LRRC69: variants seen among roughly 807,000 people sequenced by gnomAD.
LRRC69 encodes leucine rich repeat containing 69.
Under a neutral mutation model 37.8 loss-of-function variants are expected in LRRC69, and 42 were observed. The observed-to-expected ratio is 1.11, with a 90% confidence interval of 0.87 to 1.44. The LOEUF (loss-of-function observed/expected upper bound fraction) is 1.44. Among genes scored for constraint, LRRC69 ranks in the 40% most tolerant of loss-of-function variants. The probability of loss-of-function intolerance (pLI) is 0.00; values close to 1 mark genes in which losing one functional copy is unlikely to be tolerated. For synonymous variants in LRRC69, 141 were observed against 143.1 expected, an observed-to-expected ratio of 0.99 and a Z score of 0.11; for missense variants, 357 against 401.9, an observed-to-expected ratio of 0.89 and a Z score of 0.96.
intron 5 of LRRC69, among the ~76,000 whole-genome samples, chr8:91,180,750 T>A (rs1809310339): frequency 6.6e-6 from 1 of 152,010 alleles, no homozygotes. Flanking sequence ...ACAGGGTAGT[T>A]TAGAGGGAAT....
intron 5 of LRRC69, among the ~76,000 whole-genome samples, chr8:91,138,609 G>A (rs1302946827): frequency 6.7e-5 from 10 of 150,150 alleles, no homozygotes; most frequent in Admixed American, 6.6e-4. Context: ...ATTTGCACTA[G>A]GACTTTTGTA....
At chr8:91,138,346 T>TA (rs1808455510) in intron 5 of LRRC69, among the ~76,000 whole-genome samples, 1 of 151,880 alleles carries the variant, frequency 6.6e-6, no homozygotes, top group Non-Finnish European at 1.5e-5. Flanking sequence ...AAAAGCAAAA[T>TA]AAAGCTCTGT....
chr8:91,199,614 G>A (rs557115846), intron 6 of LRRC69, among the ~76,000 whole-genome samples: 4 of 152,034 alleles, frequency 2.6e-5, no homozygotes, highest in Non-Finnish European at 5.9e-5. Flanking sequence ...GCTTTATGTG[G>A]ACTATTTCAA....
At chr8:91,216,694 A>G (rs573787216) in intron 7 of LRRC69, among the ~76,000 whole-genome samples, 2 of 152,248 alleles carry the variant, frequency 1.3e-5, no homozygotes, top group South Asian at 2.1e-4. Context: ...TCCAACCACA[A>G]TTTCATCACT....
chr8:91,198,125 A>G (rs1016219133), intron 6 of LRRC69, among the ~76,000 whole-genome samples: 2 of 152,186 alleles, frequency 1.3e-5, no homozygotes, highest in African/African-American at 4.8e-5. Flanking sequence ...TAGAAACTTT[A>G]CCTCACCTCA....
intron 5 of LRRC69, among the ~76,000 whole-genome samples, chr8:91,160,300 G>A (rs535617791): frequency 7.0e-6 from 1 of 142,944 alleles, no homozygotes; most frequent in Non-Finnish European, 1.5e-5. Flanking sequence ...TTAGTTTTTT[G>A]TTTTTTTTTT....
intron 7 of LRRC69, among the ~76,000 whole-genome samples, chr8:91,207,741 G>A (rs1272127640): frequency 6.6e-6 from 1 of 152,224 alleles, no homozygotes; most frequent in Non-Finnish European, 1.5e-5. Context: ...AGTCACGGAA[G>A]GTGAGGTATG....
Position 91,213,764 on chromosome 8 carries a change from T to A in LRRC69, c.934-5126T>A, listed in dbSNP as rs576552978. ...AGCCTTGAAATAGGTGGAATTCAGA[T>A]ACATGGAGAAGAAAGTAAACAGAAT... On this transcript the variant is annotated intron_variant, in intron 7 of 7. Coordinates refer to ENST00000448384, the Ensembl canonical transcript of LRRC69. Among the ~76,000 whole-genome samples, 10 of 152,214 alleles carry A rather than the reference T, an allele frequency of 6.6e-5. No individual in the cohort carries two copies. The East Asian group carries it at 1.5e-3, about 24-fold the overall frequency.
intron 5 of LRRC69, among the ~76,000 whole-genome samples, chr8:91,169,202 C>T (rs1048194381): frequency 7.9e-5 from 12 of 151,816 alleles, no homozygotes; most frequent in Non-Finnish European, 1.6e-4. Context: ...GAGCTAAACA[C>T]TGAATACACA....
At chr8:91,219,141 C>T (rs910260376), downstream of LRRC69, 86 of 423,084 alleles carry the variant, frequency 2.0e-4, no homozygotes, top group Admixed American at 8.2e-4. Flanking sequence ...TCCATTATAA[C>T]GTTCCCAATC....
intron 5 of LRRC69, among the ~76,000 whole-genome samples, chr8:91,145,580 A>C (rs897070113): frequency 2.0e-5 from 3 of 151,920 alleles, no homozygotes; most frequent in Admixed American, 6.6e-5. Context: ...TCAGTGGCTC[A>C]GTTTATTAGG....
rs1415602698 is a variant in LRRC69 at position 91,157,370 on chromosome 8, C to A, written c.651+21631C>A. The A allele has an allele frequency of 3.7e-6, 6 of 1,607,630 alleles. No individual in the cohort carries two copies. The African/African-American group carries it at 5.4e-5, about 14-fold the overall frequency. ...CCCAAAGAAGTAGGACCCACTAATG[C>A]AGATCCTGTATGTCTAGCTAAGATG... On this transcript the variant is annotated intron_variant, in intron 5 of 7. Coordinates refer to ENST00000448384, the Ensembl canonical transcript of LRRC69.
At chr8:91,108,245 T>G (rs553309912) in intron 1 of LRRC69, among the ~76,000 whole-genome samples, 1 of 152,152 alleles carries the variant, frequency 6.6e-6, no homozygotes, top group African/African-American at 2.4e-5. Context: ...TAATCTCTCC[T>G]TTTCATACTT....
intron 5 of LRRC69, among the ~76,000 whole-genome samples, chr8:91,177,547 C>A (rs997681542): frequency 1.3e-5 from 2 of 152,252 alleles, no homozygotes; most frequent in Non-Finnish European, 2.9e-5. Context: ...ATGACTCTTG[C>A]TGCCAATAGT....
chr8:91,184,665 T>G (rs1346240160), intron 5 of LRRC69, among the ~76,000 whole-genome samples: 1 of 152,220 alleles, frequency 6.6e-6, no homozygotes, highest in African/African-American at 2.4e-5. Flanking sequence ...ATTGAATCTT[T>G]GGGTCATAAG....
intron 5 of LRRC69, among the ~76,000 whole-genome samples, chr8:91,177,056 T>C (rs1809245045): frequency 6.6e-6 from 1 of 152,186 alleles, no homozygotes; most frequent in Admixed American, 6.5e-5. Context: ...TTATAGTCTT[T>C]TTTGGGGGGA....
intron 7 of LRRC69, among the ~76,000 whole-genome samples, chr8:91,215,550 T>C (rs1456811444): frequency 6.6e-6 from 1 of 152,200 alleles, no homozygotes; most frequent in African/African-American, 2.4e-5. Context: ...TGTGTTTGTT[T>C]GCTTTAGAAA....
chr8:91,147,937 C>T (rs570664848), intron 5 of LRRC69, among the ~76,000 whole-genome samples: 43 of 151,788 alleles, frequency 2.8e-4, no homozygotes, highest in African/African-American at 8.4e-4. Flanking sequence ...TCAGCTCCCA[C>T]ATATGAGTGA....
chr8:91,131,996 T>C (rs1813816506), intron 3 of LRRC69, among the ~76,000 whole-genome samples: 2 of 151,940 alleles, frequency 1.3e-5, no homozygotes, highest in Non-Finnish European at 2.9e-5. Flanking sequence ...TTCCTATCAA[T>C]CCCAGGTATT....
Sources: gnomAD v4.1 joint callset for allele counts (sites outside exome capture counted in the v4.1 genomes callset) on GRCh38, gnomAD v4.1.1 for gene constraint, MANE v1.5 for transcripts, NCBI Gene and HGNC (gene_info 2026-07-23, HGNC 2026-07-21) for gene names.